The following TMEM132D variants were observed in gnomAD, a reference collection of about 807,000 sequenced individuals.
The protein encoded by TMEM132D is mature OL transmembrane protein.
A neutral mutation model predicts 62.3 loss-of-function variants in TMEM132D; 21 were observed. The observed-to-expected ratio is 0.34, with a 90% confidence interval of 0.24 to 0.49. TMEM132D has a LOEUF of 0.49. TMEM132D is among the 20% of genes least tolerant of loss of function. TMEM132D has a pLI of 0.99. For synonymous variants in TMEM132D, 621 were observed against 575.6 expected (o/e 1.08, Z -1.13); for missense variants, 1,346 against 1,402.8 (o/e 0.96, Z 0.65).
At chr12:129,845,523 G>C (rs1333177354) in intron 1 of TMEM132D, among the ~76,000 whole-genome samples, 1 of 152,186 alleles carries the variant, frequency 6.6e-6, no homozygotes, top group Non-Finnish European at 1.5e-5. Flanking sequence ...GGAAATTCTA[G>C]AGATACTGAC....
intron 3 of TMEM132D, among the ~76,000 whole-genome samples, chr12:129,348,533 C>T (rs1469980485): frequency 6.6e-6 from 1 of 152,070 alleles, no homozygotes; most frequent in Non-Finnish European, 1.5e-5. Context: ...GGGAGGGGAA[C>T]ATCACCCACC....
chr12:129,665,905 G>A (rs1464420606), intron 2 of TMEM132D, among the ~76,000 whole-genome samples: 1 of 151,958 alleles, frequency 6.6e-6, no homozygotes, highest in Non-Finnish European at 1.5e-5. Flanking sequence ...TTCAGTAATT[G>A]AGAATTACCT....
intron 2 of TMEM132D, among the ~76,000 whole-genome samples, chr12:129,625,932 G>C (rs561019859): frequency 1.4e-4 from 22 of 152,254 alleles, no homozygotes; most frequent in African/African-American, 5.3e-4. Context: ...ACAACGTCAC[G>C]TGTATGACTC....
chr12:129,811,757 C>T (rs1332610090), intron 1 of TMEM132D, among the ~76,000 whole-genome samples: 1 of 151,768 alleles, frequency 6.6e-6, no homozygotes, highest in East Asian at 1.9e-4. Context: ...GCTCAGCATG[C>T]TGGATTTGAA....
At chr12:129,303,093 A>T (rs1033972846) in intron 4 of TMEM132D, among the ~76,000 whole-genome samples, 1 of 152,180 alleles carries the variant, frequency 6.6e-6, no homozygotes, top group Non-Finnish European at 1.5e-5. Context: ...TAGCCAACAC[A>T]TCAACCGGTG....
At chr12:129,800,421 C>G (rs1250779504) in intron 1 of TMEM132D, among the ~76,000 whole-genome samples, 1 of 151,596 alleles carries the variant, frequency 6.6e-6, no homozygotes, top group Non-Finnish European at 1.5e-5. Context: ...CTATGATACG[C>G]CAGGCCCTGG....
At chr12:129,801,446 A>C (rs866375108) in intron 1 of TMEM132D, among the ~76,000 whole-genome samples, 69 of 151,968 alleles carry the variant, frequency 4.5e-4, no homozygotes, top group Admixed American at 9.8e-4. Context: ...CTCACACGGC[A>C]GGGTATTCCA....
intron 4 of TMEM132D, among the ~76,000 whole-genome samples, chr12:129,304,399 T>G (rs1029074463): frequency 6.6e-6 from 1 of 151,780 alleles, no homozygotes; most frequent in Admixed American, 6.6e-5. Context: ...TACAATACCA[T>G]GCAAAGGCCA....
At chr12:129,096,902 T>A (rs929287148) in intron 5 of TMEM132D, among the ~76,000 whole-genome samples, 1 of 152,120 alleles carries the variant, frequency 6.6e-6, no homozygotes, top group African/African-American at 2.4e-5. Context: ...CTTTCCTGGG[T>A]CAGAGGAAAT....
In TMEM132D at chr12:129,233,502, A is replaced by T. The variant is rs149247491; in HGVS notation, c.1300-23839T>A. Among the ~76,000 whole-genome samples, 342 of 152,326 alleles carry T rather than the reference A, an allele frequency of 2.2e-3. 1 individual carries two copies. Among genetic ancestry groups the T allele is most frequent in the African/African-American group, 7.9e-3 (328 of 41,568 alleles). On this transcript the variant is annotated intron_variant, in intron 4 of 8. Coordinates refer to ENST00000422113, the MANE Select transcript of TMEM132D (RefSeq NM_133448.3). ...GTCAGGATTGATTCTATAAAAAAAC[A>T]TGCTCCCTCGTATGTTGGAGGAAGT...
At chr12:129,680,852 G>C (rs1208107046) in intron 2 of TMEM132D, among the ~76,000 whole-genome samples, 1 of 152,174 alleles carries the variant, frequency 6.6e-6, no homozygotes, top group Non-Finnish European at 1.5e-5. Context: ...AGGTCTTCAT[G>C]TAGGAACTGG....
chr12:129,418,406 T>C (rs1279045410), intron 3 of TMEM132D, among the ~76,000 whole-genome samples: 2 of 152,186 alleles, frequency 1.3e-5, no homozygotes, highest in Non-Finnish European at 2.9e-5. Flanking sequence ...TCATGTCCTT[T>C]GCAGAGACAT....
intron 1 of TMEM132D, among the ~76,000 whole-genome samples, chr12:129,719,526 C>A (rs1011415504): frequency 2.0e-5 from 3 of 152,178 alleles, no homozygotes; most frequent in South Asian, 4.1e-4. Context: ...TGCAGGGAAA[C>A]CCTGTTTATT....
intron 4 of TMEM132D, among the ~76,000 whole-genome samples, chr12:129,239,567 T>G (rs1879878223): frequency 6.6e-6 from 1 of 152,118 alleles, no homozygotes; most frequent in Admixed American, 6.5e-5. Flanking sequence ...GTAGTCAAGT[T>G]AAGACCCTAA....
At chr12:129,822,128 G>A (rs1038849821) in intron 1 of TMEM132D, among the ~76,000 whole-genome samples, 4 of 152,080 alleles carry the variant, frequency 2.6e-5, no homozygotes, top group Admixed American at 1.3e-4. Flanking sequence ...ACCAAGAGAC[G>A]GGAAAGAGGA....
chr12:129,431,405 G>A (rs138325856), intron 3 of TMEM132D, among the ~76,000 whole-genome samples: 10 of 152,300 alleles, frequency 6.6e-5, no homozygotes, highest in Non-Finnish European at 8.8e-5. Flanking sequence ...CACATCTGTC[G>A]TATCTAGGCT....
At chr12:129,198,046 G>T (rs1232563938) in intron 5 of TMEM132D, among the ~76,000 whole-genome samples, 1 of 152,074 alleles carries the variant, frequency 6.6e-6, no homozygotes, top group Non-Finnish European at 1.5e-5. Flanking sequence ...TCAACATCAC[G>T]AATCACTACG....
chr12:129,316,809 T>C (rs554880639), intron 4 of TMEM132D, among the ~76,000 whole-genome samples: 1 of 149,378 alleles, frequency 6.7e-6, no homozygotes, highest in African/African-American at 2.4e-5. Context: ...TAGTAATTGT[T>C]GTATAAATTT....
At chr12:129,372,560 C>T (rs1236288514) in intron 3 of TMEM132D, among the ~76,000 whole-genome samples, 2 of 148,676 alleles carry the variant, frequency 1.3e-5, no homozygotes, top group Non-Finnish European at 3.0e-5. Flanking sequence ...ACCCACATTC[C>T]ACCTCCTGTC....
Sources: allele counts gnomAD v4.1 joint callset (sites outside exome capture counted in the v4.1 genomes callset), GRCh38; gene constraint gnomAD v4.1.1; transcripts MANE v1.5; gene names NCBI Gene and HGNC (gene_info 2026-07-23, HGNC 2026-07-21).